ARHGEF4: variants seen among roughly 807,000 people sequenced by gnomAD.
ARHGEF4 encodes the protein APC-stimulated guanine nucleotide exchange factor 1.
In ARHGEF4, 119 loss-of-function variants were observed where a neutral mutation model predicts 162.0. The ratio of observed to expected loss-of-function variants is 0.73; its 90% CI spans 0.63 to 0.86. The LOEUF is 0.86. Ranked by LOEUF, ARHGEF4 falls within the 40% of genes least tolerant of loss-of-function variation. The probability of loss-of-function intolerance (pLI) is 0.00; values close to 1 mark genes in which losing one functional copy is unlikely to be tolerated. For missense variants in ARHGEF4, 2,488 were observed against 2,456.0 expected (o/e 1.01, Z -0.28); for synonymous variants, 1,014 against 979.9 (o/e 1.03, Z -0.65).
intron 1 of ARHGEF4, among the ~76,000 whole-genome samples, chr2:130,868,177 G>A (rs539234515): frequency 5.9e-5 from 9 of 151,920 alleles, no homozygotes; most frequent in Admixed American, 2.0e-4. Context: ...CGCCCGCCCC[G>A]GCCTCCCAGA....
At position 131,013,549 on chromosome 2, in the gene ARHGEF4, G is replaced by A. The variant is rs112474028; in HGVS notation, c.3986-14396G>A. On this transcript the variant is annotated intron_variant, in intron 4 of 13. Coordinates refer to ENST00000409359, the MANE Select transcript of ARHGEF4 (RefSeq NM_001367493.1). ...TTTCCCTTAAGTGGCTTGCACAGCA[G>A]AAGGGGGAAATTGTACCATTTTAGA... Among the ~76,000 whole-genome samples the A allele has an allele frequency of 1.8e-4, 27 of 152,330 alleles. 1 individual carries two copies. Among genetic ancestry groups the A allele is most frequent in the African/African-American group, 6.3e-4 (26 of 41,566 alleles).
At chr2:131,039,915 C>T in intron 6 of ARHGEF4, 101 bp from the exon 7 acceptor site, 2 of 1,480,252 alleles carry the variant, frequency 1.4e-6, no homozygotes, top group Non-Finnish European at 1.8e-6. Flanking sequence ...CCCCGTACAC[C>T]CTGCGGGGCC....
intron 4 of ARHGEF4, among the ~76,000 whole-genome samples, chr2:130,991,757 C>T (rs959533606): frequency 6.6e-6 from 1 of 152,244 alleles, no homozygotes; most frequent in Non-Finnish European, 1.5e-5. Context: ...GCAGCCCGAG[C>T]CTCCCAGATG....
At chr2:130,997,186 C>T (rs1190377674) in intron 4 of ARHGEF4, among the ~76,000 whole-genome samples, 1 of 152,152 alleles carries the variant, frequency 6.6e-6, no homozygotes, top group East Asian at 1.9e-4. Context: ...GTGGAGCCCC[C>T]TTTTGTGTGT....
At chr2:131,007,043 T>G (rs1216490650) in intron 4 of ARHGEF4, among the ~76,000 whole-genome samples, 1 of 152,106 alleles carries the variant, frequency 6.6e-6, no homozygotes, top group Non-Finnish European at 1.5e-5. Context: ...TGTAGGAAAT[T>G]ACAGTGAAAT....
intron 1 of ARHGEF4, among the ~76,000 whole-genome samples, chr2:130,882,190 A>G (rs531508282): frequency 6.6e-6 from 1 of 152,234 alleles, no homozygotes; most frequent in African/African-American, 2.4e-5. Context: ...AAGGGTCTCA[A>G]CAGGTCCTGG....
chr2:130,915,963 A>T lies in ARHGEF4; in HGVS notation c.2017A>T (p.Thr673Ser). Residue 673 changes from threonine to serine, a missense_variant, in exon 2 of 14, where the codon ACC becomes TCC. By Grantham distance (58) the Thr-to-Ser change is moderately conservative. This residue lies in a region of ARHGEF4 where 1,642 missense variants were observed against 1,481.5 expected (regional missense o/e 1.11). Transcript: ENST00000409359. ...AGAATCTCCCTTGAGCACTGGCGAG[A>T]CCCCCTGTGAGTCTCCCACTAGGGG... ...RPESPLSTGE[T>S]PCESPTRGKT... 6.5e-7 allele frequency: 1 copy of T among 1,550,256 alleles called. No individual in the cohort carries two copies.
chr2:131,039,892 C>T, intron 6 of ARHGEF4, 124 bp from the exon 7 acceptor site: 2 of 1,447,994 alleles, frequency 1.4e-6, no homozygotes, highest in South Asian at 2.9e-5. Context: ...GCCGGCCAGT[C>T]CTCAGCCCTG....
intron 5 of ARHGEF4, chr2:131,035,011 C>T: frequency 2.0e-6 from 2 of 986,098 alleles, no homozygotes; most frequent in South Asian, 4.5e-5. Context: ...GGCGCCCCGC[C>T]TCTCCCCGGG....
At chr2:130,904,960 T>C (rs571789503) in intron 1 of ARHGEF4, among the ~76,000 whole-genome samples, 3 of 152,302 alleles carry the variant, frequency 2.0e-5, no homozygotes, top group Non-Finnish European at 4.4e-5. Context: ...TTGCCTGTAA[T>C]CCCAGCTATT....
intron 2 of ARHGEF4, among the ~76,000 whole-genome samples, chr2:130,918,927 A>G (rs1384736601): frequency 6.6e-6 from 1 of 152,228 alleles, no homozygotes; most frequent in Non-Finnish European, 1.5e-5. Flanking sequence ...CCTCTCCCCA[A>G]AACCGTCTAA....
chr2:130,912,001 T>C (rs1681218435), intron 1 of ARHGEF4, among the ~76,000 whole-genome samples: 1 of 152,244 alleles, frequency 6.6e-6, no homozygotes, highest in African/African-American at 2.4e-5. Flanking sequence ...ATGGCTCCAG[T>C]GTCCCTTAGA....
At chr2:130,852,620 C>A (rs762105524) in intron 1 of ARHGEF4, among the ~76,000 whole-genome samples, 74 of 152,314 alleles carry the variant, frequency 4.9e-4, no homozygotes, top group Middle Eastern at 3.4e-3. Flanking sequence ...GTGGGACGCC[C>A]TGCACGGAGG....
At chr2:130,991,917 TG>T (rs2105284513) in intron 4 of ARHGEF4, among the ~76,000 whole-genome samples, 1 of 152,324 alleles carries the variant, frequency 6.6e-6, no homozygotes, top group Non-Finnish European at 1.5e-5. Flanking sequence ...CCGAGTCTGG[TG>T]GGGACGTGGA....
In ARHGEF4 at chr2:131,022,781, T is replaced by A. The variant is rs149092634; in HGVS notation, c.3986-5164T>A. On this transcript the variant is annotated intron_variant, in intron 4 of 13. Transcript: ENST00000409359. ...GGGTTTGGCAAAGAGTTCTTAGACA[T>A]GACACCAAAAGCATGACTCATAAAA... Among the ~76,000 whole-genome samples the A allele has an allele frequency of 1.5e-3, 222 of 151,894 alleles. 3 individuals carry two copies. The highest frequency in any genetic ancestry group is 0.013 in the Admixed American group (194 of 15,246).
chr2:130,889,396 C>T (rs1470570998), intron 1 of ARHGEF4, among the ~76,000 whole-genome samples: 1 of 152,054 alleles, frequency 6.6e-6, no homozygotes, highest in Non-Finnish European at 1.5e-5. Flanking sequence ...TTATTAACTG[C>T]TTCCCTTGCT....
chr2:130,842,567 A>G (rs542632364), intron 1 of ARHGEF4, among the ~76,000 whole-genome samples: 6 of 152,188 alleles, frequency 3.9e-5, no homozygotes, highest in African/African-American at 1.4e-4. Flanking sequence ...TTTCATTTGG[A>G]TTTTGTAGCA....
Position 131,010,468 on chromosome 2 carries a change from A to C in ARHGEF4, c.3986-17477A>C, listed in dbSNP as rs1688375253. On this transcript the variant is annotated intron_variant, in intron 4 of 13. Transcript: ENST00000409359. ...ATTCCACTATTATTAGAAACCCTTA[A>C]GAGAAAATAAATATTTTATTCATTG... 2.0e-5 allele frequency among the ~76,000 whole-genome samples: 3 copies of C among 152,250 alleles called. No homozygotes were observed. In the South Asian group the frequency reaches 6.2e-4, roughly 31 times the overall value.
chr2:131,001,672 A>G (rs774266687), intron 4 of ARHGEF4, among the ~76,000 whole-genome samples: 12 of 152,292 alleles, frequency 7.9e-5, no homozygotes, highest in Admixed American at 4.6e-4. Flanking sequence ...TCTTCCATGT[A>G]TGCATAGCAG....
Sources: gnomAD v4.1 joint callset for allele counts (sites outside exome capture counted in the v4.1 genomes callset) on GRCh38, gnomAD v4.1.1 for gene constraint, gnomAD v4.1.1 regional missense constraint, MANE v1.5 for transcripts, NCBI Gene and HGNC (gene_info 2026-07-23, HGNC 2026-07-21) for gene names.